The following MCTP2 variants were observed in gnomAD, a reference collection of about 807,000 sequenced individuals.
MCTP2 encodes multiple C2 and transmembrane domain containing 2, also known as multiple C2 and transmembrane domain-containing protein 2.
A neutral mutation model predicts 111.6 loss-of-function variants in MCTP2; 132 were observed. The observed-to-expected ratio is 1.18, with a 90% CI of 1.03 to 1.37. The LOEUF is 1.37. Ranked by LOEUF, MCTP2 falls within the 40% of genes most tolerant of loss-of-function variation. MCTP2 has a pLI of 0.00. For missense variants in MCTP2, 1,183 were observed against 1,067.9 expected (o/e 1.11, Z -1.50); for synonymous variants, 395 against 387.7 (o/e 1.02, Z -0.22).
chr15:94,425,106 T>C (rs975701228), intron 17 of MCTP2, among the ~76,000 whole-genome samples: 1 of 152,206 alleles, frequency 6.6e-6, no homozygotes, highest in Non-Finnish European at 1.5e-5. Flanking sequence ...AAATATTCTT[T>C]AATTTTGTTT....
At chr15:94,290,562 TATGTTAAATATAA>T (rs1434323680) in intron 1 of MCTP2, among the ~76,000 whole-genome samples, 33 of 152,180 alleles carry the variant, frequency 2.2e-4, no homozygotes, top group African/African-American at 8.0e-4. Context: ...TATCAAGTAC[TATGTTAAATATAA>T]ATGGTCTAAA....
chr15:94,332,602 C>T (rs2077179899), intron 4 of MCTP2, among the ~76,000 whole-genome samples: 2 of 152,064 alleles, frequency 1.3e-5, no homozygotes, highest in South Asian at 2.1e-4. Flanking sequence ...ATCAGATATT[C>T]GAAAATGTGA....
chr15:94,231,844 C>T (rs985201105), intron 1 of MCTP2, 180 bp downstream of exon 1: 1 of 152,440 alleles, frequency 6.6e-6, no homozygotes, highest in Non-Finnish European at 1.5e-5. Context: ...AGAAAGGTGT[C>T]CTGAGGACTG....
intron 22 of MCTP2, 82 bp downstream of exon 22, chr15:94,476,875 G>A: frequency 1.3e-6 from 1 of 793,742 alleles, no homozygotes; most frequent in Non-Finnish European, 2.1e-6. Context: ...ACAAGGCTTT[G>A]CTTGTGTGAG....
At chr15:94,378,612 A>T (rs1025677932) in intron 12 of MCTP2, among the ~76,000 whole-genome samples, 4 of 152,222 alleles carry the variant, frequency 2.6e-5, no homozygotes, top group African/African-American at 9.6e-5. Flanking sequence ...GATTATCAGA[A>T]ATTAAGATAA....
chr15:94,419,930 A>G (rs2082549093), intron 17 of MCTP2, among the ~76,000 whole-genome samples: 1 of 152,188 alleles, frequency 6.6e-6, no homozygotes, highest in Non-Finnish European at 1.5e-5. Context: ...CTGTTGGAAG[A>G]AGATGCCATC....
At chr15:94,382,583 A>G (rs11074271) in intron 12 of MCTP2, among the ~76,000 whole-genome samples, 39,110 of 152,236 alleles carry the variant, frequency 0.26, 8,423 homozygotes, top group East Asian at 0.76. Context: ...TAATCTTCAT[A>G]CAGGCTCCTG....
chr15:94,476,169 TAAC>T (rs1215392335), intron 21 of MCTP2, among the ~76,000 whole-genome samples: 4 of 152,132 alleles, frequency 2.6e-5, no homozygotes, highest in African/African-American at 9.7e-5. Context: ...GTTTTCTTTG[TAAC>T]AACAAGAAAA....
At chr15:94,443,028 G>T in intron 19 of MCTP2, 68 bp downstream of exon 19, 5 of 1,277,368 alleles carry the variant, frequency 3.9e-6, no homozygotes, top group South Asian at 1.3e-5. Flanking sequence ...CATTCCTTCA[G>T]GTTGAGTCTC....
intron 17 of MCTP2, among the ~76,000 whole-genome samples, chr15:94,436,610 T>C (rs2083490601): frequency 6.6e-6 from 1 of 152,142 alleles, no homozygotes; most frequent in African/African-American, 2.4e-5. Context: ...GCCAATGCTA[T>C]AGCAAATGAG....
At chr15:94,392,362 A>T (rs1331073984) in intron 14 of MCTP2, among the ~76,000 whole-genome samples, 6 of 148,840 alleles carry the variant, frequency 4.0e-5, no homozygotes, top group Admixed American at 2.0e-4. Context: ...ACCAAGCGAG[A>T]CTCCATCTCA....
intron 4 of MCTP2, among the ~76,000 whole-genome samples, chr15:94,332,229 A>G (rs777054535): frequency 1.3e-5 from 2 of 152,202 alleles, no homozygotes; most frequent in Non-Finnish European, 2.9e-5. Context: ...CTCTACTGTA[A>G]GAGGCCAGCA....
intron 9 of MCTP2, among the ~76,000 whole-genome samples, chr15:94,358,178 G>A (rs1266051212): frequency 6.6e-6 from 1 of 152,208 alleles, no homozygotes. Context: ...TAAGATGTCT[G>A]CTGATATATG....
intron 2 of MCTP2, among the ~76,000 whole-genome samples, chr15:94,304,447 A>T (rs2075789950): frequency 6.6e-6 from 1 of 152,250 alleles, no homozygotes; most frequent in African/African-American, 2.4e-5. Context: ...ATCTCAAAAA[A>T]AATAATAAAA....
At chr15:94,257,385 A>G (rs539907888) in intron 1 of MCTP2, among the ~76,000 whole-genome samples, 28 of 152,048 alleles carry the variant, frequency 1.8e-4, no homozygotes, top group Non-Finnish European at 3.5e-4. Context: ...GCATCCATTG[A>G]AAGGAGGAAT....
chr15:94,463,775 T>C (rs554838416), intron 20 of MCTP2, among the ~76,000 whole-genome samples: 1 of 152,268 alleles, frequency 6.6e-6, no homozygotes, highest in Non-Finnish European at 1.5e-5. Flanking sequence ...TGCTATGAGT[T>C]TTTATTTTGA....
At chr15:94,414,556 A>G (rs1291998918) in intron 17 of MCTP2, among the ~76,000 whole-genome samples, 1 of 152,244 alleles carries the variant, frequency 6.6e-6, no homozygotes, top group Admixed American at 6.5e-5. Flanking sequence ...CAGTTGGAAC[A>G]GGACGTGTTC....
intron 17 of MCTP2, among the ~76,000 whole-genome samples, chr15:94,428,780 G>A (rs1158125849): frequency 6.6e-6 from 1 of 151,950 alleles, no homozygotes; most frequent in African/African-American, 2.4e-5. Context: ...CTGTTAATTA[G>A]TGTACCCATT....
intron 1 of MCTP2, among the ~76,000 whole-genome samples, chr15:94,236,303 C>A (rs1247465956): frequency 6.7e-6 from 1 of 150,076 alleles, no homozygotes; most frequent in Admixed American, 6.6e-5. Flanking sequence ...AAGAGCTGTG[C>A]CTTGTCCTAT....
Sources: allele counts gnomAD v4.1 joint callset (sites outside exome capture counted in the v4.1 genomes callset), GRCh38; gene constraint gnomAD v4.1.1; transcripts MANE v1.5; gene names NCBI Gene and HGNC (gene_info 2026-07-23, HGNC 2026-07-21).